GPC6: variants seen among roughly 807,000 people sequenced by gnomAD.
GPC6 encodes the protein glypican 6.
Under a neutral mutation model 55.2 loss-of-function variants are expected in GPC6, and 14 were observed. The ratio of observed to expected loss-of-function variants is 0.25; its 90% CI spans 0.17 to 0.40. The LOEUF is 0.40. GPC6 is among the 10% of genes least tolerant of loss of function. The pLI, the probability that GPC6 is intolerant of heterozygous loss-of-function variation, is 1.00. For synonymous variants in GPC6, 278 were observed against 259.6 expected (o/e 1.07, Z -0.68); for missense variants, 641 against 708.5 (o/e 0.90, Z 1.08).
At chr13:93,637,856 A>G (rs1237518665) in intron 2 of GPC6, among the ~76,000 whole-genome samples, 1 of 152,150 alleles carries the variant, frequency 6.6e-6, no homozygotes, top group Admixed American at 6.6e-5. Flanking sequence ...AAGAAATAGA[A>G]TAATATTCAG....
intron 7 of GPC6, among the ~76,000 whole-genome samples, chr13:94,392,578 C>T (rs980083392): frequency 5.9e-4 from 90 of 151,844 alleles, no homozygotes; most frequent in African/African-American, 2.0e-3. Context: ...TACAGGCATG[C>T]GCCACCACGC....
At chr13:94,292,842 G>A (rs1214546532) in intron 5 of GPC6, among the ~76,000 whole-genome samples, 1 of 152,116 alleles carries the variant, frequency 6.6e-6, no homozygotes, top group African/African-American at 2.4e-5. Flanking sequence ...TCTCAGATCT[G>A]TTTTTATAGG....
At chr13:93,443,677 A>C (rs578230542) in intron 1 of GPC6, among the ~76,000 whole-genome samples, 1 of 152,304 alleles carries the variant, frequency 6.6e-6, no homozygotes. Flanking sequence ...TGTTAGTCTG[A>C]GGTTATTGAT....
intron 2 of GPC6, among the ~76,000 whole-genome samples, chr13:93,710,257 T>C (rs750220440): frequency 5.3e-5 from 8 of 151,816 alleles, no homozygotes; most frequent in Non-Finnish European, 1.2e-4. Context: ...ATCTCTAATA[T>C]TGTTAGTGAA....
At chr13:93,702,447 A>G (rs1390887942) in intron 2 of GPC6, among the ~76,000 whole-genome samples, 1 of 151,992 alleles carries the variant, frequency 6.6e-6, no homozygotes, top group African/African-American at 2.4e-5. Context: ...TAGGATTTTC[A>G]GAATGGTAAG....
At chr13:93,232,365 A>G (rs1439842868) in intron 1 of GPC6, among the ~76,000 whole-genome samples, 1 of 152,176 alleles carries the variant, frequency 6.6e-6, no homozygotes, top group Non-Finnish European at 1.5e-5. Flanking sequence ...ATGATTCTAC[A>G]AGTCACTAGA....
chr13:94,199,262 T>C lies in GPC6; in HGVS notation c.878-87087T>C, dbSNP rs544043906. Among the ~76,000 whole-genome samples, 3 of 152,342 alleles carry C rather than the reference T, an allele frequency of 2.0e-5. No individual in the cohort carries two copies. In the East Asian group the frequency reaches 5.8e-4, roughly 29 times the overall value. ...TGGGAAAGTCAAAATATAAATATAT[T>C]GCTGAGTCATTGACTCTTTTTATTA... On this transcript the variant is annotated intron_variant, in intron 4 of 8. Coordinates refer to ENST00000377047, the MANE Select transcript of GPC6 (RefSeq NM_005708.5).
chr13:93,882,106 C>T (rs1313660736), intron 3 of GPC6, among the ~76,000 whole-genome samples: 7 of 146,382 alleles, frequency 4.8e-5, no homozygotes, highest in East Asian at 2.0e-4. Context: ...TCTTTTCTTT[C>T]GCGGATTTTA....
At chr13:94,339,882 G>A (rs1462050511) in intron 6 of GPC6, among the ~76,000 whole-genome samples, 1 of 145,898 alleles carries the variant, frequency 6.9e-6, no homozygotes, top group Non-Finnish European at 1.5e-5. Context: ...TCCTGCTTCA[G>A]CCTCCCCAGT....
intron 2 of GPC6, among the ~76,000 whole-genome samples, chr13:93,722,764 C>A (rs1315844781): frequency 6.6e-6 from 1 of 151,898 alleles, no homozygotes; most frequent in African/African-American, 2.4e-5. Flanking sequence ...TCTCTAAAGT[C>A]ACTAGTGGTG....
At chr13:93,782,282 A>G (rs1487031350) in intron 2 of GPC6, among the ~76,000 whole-genome samples, 1 of 152,158 alleles carries the variant, frequency 6.6e-6, no homozygotes, top group African/African-American at 2.4e-5. Flanking sequence ...TTCAAGGCTG[A>G]ATACCATTTC....
intron 4 of GPC6, among the ~76,000 whole-genome samples, chr13:94,254,369 C>T (rs1891443545): frequency 6.6e-6 from 1 of 152,032 alleles, no homozygotes; most frequent in Non-Finnish European, 1.5e-5. Flanking sequence ...TTTGCCTCTA[C>T]CTTTGATATA....
At chr13:93,490,512 GA>G (rs1879937403) in intron 1 of GPC6, among the ~76,000 whole-genome samples, 1 of 9,174 alleles carries the variant, frequency 1.1e-4, no homozygotes, top group African/African-American at 4.2e-4. Flanking sequence ...TTTTTTTTTT[GA>G]GTTTTTTTTT....
At chr13:94,136,285 T>C (rs1359316193) in intron 4 of GPC6, among the ~76,000 whole-genome samples, 1 of 150,578 alleles carries the variant, frequency 6.6e-6, no homozygotes, top group Admixed American at 6.7e-5. Context: ...GATTGGAAAA[T>C]AGAGTCTTTG....
intron 4 of GPC6, among the ~76,000 whole-genome samples, chr13:94,089,565 G>T (rs1459174246): frequency 6.6e-6 from 1 of 152,138 alleles, no homozygotes; most frequent in Non-Finnish European, 1.5e-5. Context: ...GCACATCACA[G>T]CTTTCTTGAG....
intron 2 of GPC6, among the ~76,000 whole-genome samples, chr13:93,808,397 T>C (rs527549325): frequency 3.3e-5 from 5 of 152,198 alleles, no homozygotes; most frequent in Admixed American, 1.3e-4. Context: ...AAAAATATCA[T>C]GTAAATTGTA....
intron 1 of GPC6, among the ~76,000 whole-genome samples, chr13:93,321,057 T>A (rs1879421228): frequency 6.6e-6 from 1 of 152,170 alleles, no homozygotes; most frequent in African/African-American, 2.4e-5. Context: ...ATCTAGTCTA[T>A]CAAAGTTTCA....
intron 3 of GPC6, among the ~76,000 whole-genome samples, chr13:94,027,168 G>A (rs1032593770): frequency 2.6e-5 from 4 of 152,102 alleles, no homozygotes; most frequent in African/African-American, 9.7e-5. Context: ...ATTTAACACT[G>A]GTCCCTGAAA....
chr13:94,184,491 T>C (rs1258207144), intron 4 of GPC6, among the ~76,000 whole-genome samples: 1 of 151,818 alleles, frequency 6.6e-6, no homozygotes, highest in African/African-American at 2.4e-5. Flanking sequence ...ACATAACAGA[T>C]ACTTCTCAAA....
Sources: gnomAD v4.1 joint callset for allele counts (sites outside exome capture counted in the v4.1 genomes callset) on GRCh38, gnomAD v4.1.1 for gene constraint, MANE v1.5 for transcripts, NCBI Gene and HGNC (gene_info 2026-07-23, HGNC 2026-07-21) for gene names.